Variants in SETX observed in about 807,000 individuals in gnomAD.
The protein encoded by SETX is senataxin.
A neutral mutation model predicts 227.2 loss-of-function variants in SETX; 90 were observed. That is an observed-to-expected ratio of 0.40 (90% CI 0.33 to 0.47). The LOEUF (loss-of-function observed/expected upper bound fraction) is 0.47, where lower values mean the gene tolerates loss of function less well. Among genes scored for constraint, SETX ranks in the 20% least tolerant of loss-of-function variants. The pLI is 0.91. For missense variants in SETX, 3,052 were observed against 3,181.5 expected (o/e 0.96, Z 0.98); for synonymous variants, 1,210 against 1,113.2 (o/e 1.09, Z -1.73).
chr9:132,351,031 C>T (rs1457962486), intron 2 of SETX, among the ~76,000 whole-genome samples: 1 of 152,158 alleles, frequency 6.6e-6, no homozygotes, highest in African/African-American at 2.4e-5. Flanking sequence ...TGCCAAGTAA[C>T]ATGGGATAAG....
At chr9:132,285,773 G>A (rs182126094) in intron 18 of SETX, among the ~76,000 whole-genome samples, 4 of 150,374 alleles carry the variant, frequency 2.7e-5, no homozygotes, top group South Asian at 4.2e-4. Context: ...CCAGCTACTC[G>A]GGAGGCTGAG....
intron 20 of SETX, among the ~76,000 whole-genome samples, 180 bp from the exon 21 acceptor site, chr9:132,278,437 C>CTTTTTTTTTTTTTTTTTTTTTTT (rs67558000): frequency 1.2e-5 from 1 of 84,832 alleles, no homozygotes; most frequent in African/African-American, 3.8e-5. Flanking sequence ...TGCCATGAAT[C>CTTTTTTTTTTTTTTTTTTTTTTT]TTTTTTTTTT....
intron 10 of SETX, among the ~76,000 whole-genome samples, chr9:132,316,209 T>C (rs1845958847): frequency 6.6e-6 from 1 of 152,228 alleles, no homozygotes; most frequent in Admixed American, 6.5e-5. Context: ...CCTGTTATTT[T>C]AACTTCCTTT....
At chr9:132,299,966 T>G (rs1844892385) in intron 12 of SETX, among the ~76,000 whole-genome samples, 1 of 151,722 alleles carries the variant, frequency 6.6e-6, no homozygotes, top group Non-Finnish European at 1.5e-5. Context: ...CCGTCTCCAC[T>G]AAAAACACAA....
At chr9:132,276,598 C>G (rs1843175788) in intron 22 of SETX, among the ~76,000 whole-genome samples, 1 of 152,188 alleles carries the variant, frequency 6.6e-6, no homozygotes, top group Non-Finnish European at 1.5e-5. Context: ...CTAGCAACAC[C>G]ACTCCTCTTT....
chr9:132,332,257 T>C (rs1461394290), intron 7 of SETX, among the ~76,000 whole-genome samples: 5 of 152,218 alleles, frequency 3.3e-5, no homozygotes, highest in African/African-American at 1.2e-4. Context: ...AATAGATCAC[T>C]GGCTTTTTCC....
chr9:132,327,483 T>C lies in SETX; in HGVS notation c.4115A>G (p.Asp1372Gly). 6.2e-7 allele frequency: 1 copy of C among 1,614,152 alleles called. No individual in the cohort carries two copies. Among genetic ancestry groups the C allele is most frequent in the Non-Finnish European group, 8.5e-7 (1 of 1,180,040 alleles). ...RRRLSDCEST[D>G]VKRAGSHTAQ... ...TGTATGTGACCCTGCTCTTTTAACA[T>C]CTGTACTTTCACAATCAGAAAGTCT... The change falls in exon 10 of 26, where the codon GAT (aspartate) becomes GGT (glycine). Residue 1372 changes from aspartate (D) to glycine (G), a missense_variant. Physicochemically the swap from Asp to Gly is moderately conservative, Grantham distance 94. Coordinates refer to ENST00000224140, the MANE Select transcript of SETX (RefSeq NM_015046.7).
rs79912339 is a variant in SETX, at chr9:132,339,466, A to C, written c.499-2951T>G. On this transcript the variant is annotated intron_variant, in intron 5 of 25. Coordinates refer to ENST00000224140, the MANE Select transcript of SETX (RefSeq NM_015046.7). Reference sequence around the variant, plus strand: ...AGACCCTGTCTCAAAAAAATAAAACAAATCTTTCCTCACCTTACAATCTAA... The same window carrying C: ...AGACCCTGTCTCAAAAAAATAAAACCAATCTTTCCTCACCTTACAATCTAA... Among the ~76,000 whole-genome samples the C allele has an allele frequency of 3.1e-3, 470 of 152,260 alleles. 1 individual carries two copies. The highest frequency in any genetic ancestry group is 0.011 in the African/African-American group (453 of 41,542).
intron 10 of SETX, among the ~76,000 whole-genome samples, chr9:132,314,906 G>GTTTTTTT (rs559979271): frequency 1.7e-4 from 15 of 88,490 alleles, no homozygotes; most frequent in Non-Finnish European, 2.4e-4. Flanking sequence ...ATTTTATTGT[G>GTTTTTTT]TTTTTTTTTT....
chr9:132,306,801 C>T (rs1845360744), intron 11 of SETX, among the ~76,000 whole-genome samples: 1 of 152,128 alleles, frequency 6.6e-6, no homozygotes, highest in African/African-American at 2.4e-5. Flanking sequence ...AGCATAGCCT[C>T]AAACTCCTGG....
intron 16 of SETX, 77 bp from the exon 17 acceptor site, chr9:132,288,428 A>G: frequency 1.4e-6 from 2 of 1,416,828 alleles, no homozygotes; most frequent in Non-Finnish European, 2.0e-6. Flanking sequence ...ACACAATGAG[A>G]AGGAAAATTA....
rs1417093374 is a variant in SETX at position 132,327,693 on chromosome 9, C to T, written c.3905G>A (p.Arg1302Gln). ...TAATTGAGCTACATAATCCAAAGAC[C>T]GCTGGGACAACTCATATGCCTTACG... ...GPRKAYELSQ[R>Q]SLDYVAQLRD... The change falls in exon 10 of 26, where the codon CGG (arginine) becomes CAG (glutamine). Residue 1302 changes from arginine to glutamine, a missense_variant. This residue lies in a region of SETX where 1,483 missense variants were observed against 1,312.0 expected (regional missense o/e 1.13). Coordinates refer to ENST00000224140, the MANE Select transcript of SETX (RefSeq NM_015046.7). 16 of 1,613,838 alleles carry T rather than the reference C, an allele frequency of 9.9e-6. No individual in the cohort carries two copies. Among genetic ancestry groups the T allele is most frequent in the East Asian group, 2.2e-5 (1 of 44,890 alleles).
intron 25 of SETX, 66 bp downstream of exon 25, chr9:132,269,549 A>G (rs1692866429): frequency 1.6e-5 from 25 of 1,610,762 alleles, no homozygotes; most frequent in East Asian, 2.2e-5. Flanking sequence ...TTGATGGAAA[A>G]TAAGAACAAA....
Position 132,349,277 on chromosome 9 carries a change from C to T in SETX, c.152G>A (p.Arg51Lys), listed in dbSNP as rs777256092. The T allele has an allele frequency of 5.6e-6, 9 of 1,614,110 alleles. No individual in the cohort carries two copies. The highest frequency in any genetic ancestry group is 5.9e-6 in the Non-Finnish European group (7 of 1,180,030). ...CTCATGCAAGAATGGCAATTCATCT[C>T]TTGCTTTGTGGTACTCAGCCACACA... ...LECVAEYHKA[R>K]DELPFLHEVL... is the part of the protein sequence containing the mutation. The change falls in exon 3 of 26, where the codon AGA (arginine) becomes AAA (lysine). Residue 51 changes from arginine (R) to lysine (K), a missense_variant. Physicochemically the swap from Arg to Lys is conservative, Grantham distance 26. Coordinates refer to ENST00000224140, the MANE Select transcript of SETX (RefSeq NM_015046.7).
At chr9:132,349,485 T>TTGACACACA in intron 2 of SETX, 50 bp from the exon 3 acceptor site, 1 of 1,581,284 alleles carries the variant, frequency 6.3e-7, no homozygotes. Flanking sequence ...TCAGACCTAC[T>TTGACACACA]GTGTGTCAAG....
In SETX at chr9:132,336,354, T is replaced by A. The variant is rs1278236256; in HGVS notation, c.660A>T (p.Lys220Asn). 1.9e-6 allele frequency: 3 copies of A among 1,614,028 alleles called. No homozygotes were observed. In the Admixed American group the frequency reaches 5.0e-5, roughly 27 times the overall value. The change falls in exon 6 of 26, where the codon AAA becomes AAT. Residue 220 changes from lysine to asparagine, a missense_variant. Lys to Asn is a moderately conservative substitution (Grantham distance 94, BLOSUM62 0). Around this residue, in one of 10 missense-constraint regions of SETX, gnomAD observed 239 missense variants for 240.8 expected, o/e 0.99. Transcript: ENST00000224140. ...ACATGTGTGAGGGCAGAAGAATCAG[T>A]TTACCCTTCTCTAGGACAGAAGAAG... ...IYTSSVLEKG[K>N]LILLPSHMYD...
chr9:132,340,041 T>C (rs1224351314), intron 5 of SETX, among the ~76,000 whole-genome samples: 1 of 152,202 alleles, frequency 6.6e-6, no homozygotes, highest in Non-Finnish European at 1.5e-5. Context: ...TTTCTATTTC[T>C]CTTTTTCTTC....
intron 5 of SETX, among the ~76,000 whole-genome samples, chr9:132,338,087 ACT>A (rs1289383439): frequency 1.3e-3 from 148 of 114,602 alleles, no homozygotes; most frequent in African/African-American, 4.4e-3. Context: ...AGTGAGGAAC[ACT>A]CTTTTTTTTT....
chr9:132,300,466 T>C (rs1249951539), intron 12 of SETX, among the ~76,000 whole-genome samples, 164 bp downstream of exon 12: 1 of 152,136 alleles, frequency 6.6e-6, no homozygotes, highest in African/African-American at 2.4e-5. Flanking sequence ...TCCAGTTAAG[T>C]CTAGAAAAAC....
Sources: gnomAD v4.1 joint callset for allele counts (sites outside exome capture counted in the v4.1 genomes callset) on GRCh38, gnomAD v4.1.1 for gene constraint, gnomAD v4.1.1 regional missense constraint, MANE v1.5 for transcripts, NCBI Gene and HGNC (gene_info 2026-07-23, HGNC 2026-07-21) for gene names.